The following COX7B2 variants were observed in gnomAD, a reference collection of about 807,000 sequenced individuals.
COX7B2 encodes the protein cytochrome c oxidase subunit 7B2.
For missense variants in COX7B2, 109 were observed against 95.9 expected (o/e 1.14, Z -0.57); for synonymous variants, 37 against 32.1 (o/e 1.15, Z -0.51).
At chr4:46,745,165 G>A (rs1254202133) in intron 2 of COX7B2, among the ~76,000 whole-genome samples, 11 of 152,320 alleles carry the variant, frequency 7.2e-5, no homozygotes, top group African/African-American at 1.9e-4. Context: ...TACCCATTTA[G>A]ATTGGAATAT....
intron 2 of COX7B2, among the ~76,000 whole-genome samples, chr4:46,755,636 A>G (rs781584043): frequency 3.3e-5 from 5 of 152,150 alleles, no homozygotes; most frequent in African/African-American, 4.8e-5. Flanking sequence ...TAAAAAATAA[A>G]GTTACAGAAA....
intron 2 of COX7B2, among the ~76,000 whole-genome samples, chr4:46,836,366 A>AT (rs925534069): frequency 2.0e-5 from 3 of 151,246 alleles, no homozygotes; most frequent in Non-Finnish European, 3.0e-5. Flanking sequence ...TTTTTTTTAT[A>AT]TTTTTTTAAA....
intron 2 of COX7B2, among the ~76,000 whole-genome samples, chr4:46,757,300 G>C (rs1715859166): frequency 8.3e-6 from 1 of 120,958 alleles, no homozygotes; most frequent in African/African-American, 3.1e-5. Flanking sequence ...AGACACCAGA[G>C]ACTATGAAAG....
intron 1 of COX7B2, among the ~76,000 whole-genome samples, chr4:46,907,978 C>G (rs1053253850): frequency 2.6e-5 from 4 of 151,546 alleles, no homozygotes; most frequent in Non-Finnish European, 4.4e-5. Context: ...CTCAGCCTCC[C>G]TAGTAGCTGG....
chr4:46,740,105 G>T (rs559537232), intron 2 of COX7B2, among the ~76,000 whole-genome samples: 1 of 152,004 alleles, frequency 6.6e-6, no homozygotes. Flanking sequence ...TCTTTGTTCT[G>T]CATTTTAGCT....
intron 2 of COX7B2, among the ~76,000 whole-genome samples, chr4:46,781,926 G>T (rs140376559): frequency 6.6e-6 from 1 of 152,184 alleles, no homozygotes; most frequent in Non-Finnish European, 1.5e-5. Context: ...AGCCCTCCAT[G>T]CTCAAGCACC....
chr4:46,788,034 G>A (rs997779052), intron 2 of COX7B2, among the ~76,000 whole-genome samples: 3 of 152,032 alleles, frequency 2.0e-5, no homozygotes, highest in Non-Finnish European at 4.4e-5. Context: ...AGGGACGAAG[G>A]CTTTCAACAA....
intron 2 of COX7B2, among the ~76,000 whole-genome samples, chr4:46,813,151 G>A (rs1245194718): frequency 1.3e-5 from 2 of 152,150 alleles, no homozygotes; most frequent in Non-Finnish European, 2.9e-5. Context: ...CTTGACTCTA[G>A]GGAGTAGGCC....
At chr4:46,736,884 T>G (rs1714398797) in intron 2 of COX7B2, among the ~76,000 whole-genome samples, 3 of 152,232 alleles carry the variant, frequency 2.0e-5, no homozygotes, top group African/African-American at 7.2e-5. Context: ...GCTTCTAAGA[T>G]TCAATTAGTA....
chr4:46,849,768 T>C (rs1433518637), intron 1 of COX7B2, among the ~76,000 whole-genome samples: 5 of 152,062 alleles, frequency 3.3e-5, no homozygotes, highest in Admixed American at 6.6e-5. Context: ...ACATGTGCCA[T>C]GTTGGTGTGC....
chr4:46,809,924 ATGT>A (rs961192952), intron 2 of COX7B2, among the ~76,000 whole-genome samples: 4 of 151,848 alleles, frequency 2.6e-5, no homozygotes, highest in African/African-American at 4.8e-5. Flanking sequence ...AGGTGGTCCA[ATGT>A]TGTGTAAATA....
At chr4:46,773,459 T>C (rs556438310) in intron 2 of COX7B2, among the ~76,000 whole-genome samples, 1 of 152,280 alleles carries the variant, frequency 6.6e-6, no homozygotes, top group South Asian at 2.1e-4. Context: ...CCCCCAGTCA[T>C]GCTGAACTGT....
chr4:46,820,661 A>G (rs1430991094), intron 2 of COX7B2, among the ~76,000 whole-genome samples: 3 of 151,964 alleles, frequency 2.0e-5, no homozygotes, highest in Non-Finnish European at 4.4e-5. Context: ...GTCTCTACTA[A>G]AAATACAAAA....
At chr4:46,827,362 A>C (rs1170675120) in intron 2 of COX7B2, among the ~76,000 whole-genome samples, 1 of 152,118 alleles carries the variant, frequency 6.6e-6, no homozygotes, top group African/African-American at 2.4e-5. Flanking sequence ...GGAAGCACCT[A>C]AAAACAAATG....
chr4:46,787,066 A>C (rs1218982506), intron 2 of COX7B2, among the ~76,000 whole-genome samples: 1 of 152,200 alleles, frequency 6.6e-6, no homozygotes, highest in African/African-American at 2.4e-5. Context: ...GTGTGATCTT[A>C]GGAAGGAATG....
chr4:46,855,134 C>A (rs1260092255), intron 1 of COX7B2, among the ~76,000 whole-genome samples: 1 of 152,004 alleles, frequency 6.6e-6, no homozygotes, highest in African/African-American at 2.4e-5. Context: ...TCGAAACCAG[C>A]CTGGCCAACA....
chr4:46,782,788 G>A (rs1717551116), intron 2 of COX7B2, among the ~76,000 whole-genome samples: 1 of 152,164 alleles, frequency 6.6e-6, no homozygotes, highest in Admixed American at 6.5e-5. Context: ...AAGGCTCACC[G>A]CGAAGGTCTG....
chr4:46,798,470 C>T (rs765575283), intron 2 of COX7B2, among the ~76,000 whole-genome samples: 1 of 152,186 alleles, frequency 6.6e-6, no homozygotes, highest in Non-Finnish European at 1.5e-5. Context: ...CCAGCATACC[C>T]TGTGGTACTT....
chr4:46,760,317 T>C (rs955912802), intron 2 of COX7B2, among the ~76,000 whole-genome samples: 2 of 152,026 alleles, frequency 1.3e-5, no homozygotes, highest in Non-Finnish European at 2.9e-5. Flanking sequence ...CAAATGCCCA[T>C]CAATGATAGA....
Sources: gnomAD v4.1 joint callset for allele counts (sites outside exome capture counted in the v4.1 genomes callset) on GRCh38, gnomAD v4.1.1 for gene constraint, MANE v1.5 for transcripts, NCBI Gene and HGNC (gene_info 2026-07-23, HGNC 2026-07-21) for gene names.